MINDY3: variants seen among roughly 807,000 people sequenced by gnomAD.
The protein encoded by MINDY3 is ubiquitin carboxyl-terminal hydrolase MINDY-3.
Under a neutral mutation model 69.2 loss-of-function variants are expected in MINDY3, and 38 were observed. The ratio of observed to expected loss-of-function variants is 0.55; its 90% CI spans 0.42 to 0.72. MINDY3 has a LOEUF of 0.72. MINDY3 is among the 30% of genes least tolerant of loss of function. MINDY3 has a pLI of 0.00. For synonymous variants in MINDY3, 192 were observed against 180.1 expected (o/e 1.07, Z -0.53); for missense variants, 522 against 519.0 (o/e 1.01, Z -0.06).
At chr10:15,797,835 C>G (rs1197696252) in intron 10 of MINDY3, among the ~76,000 whole-genome samples, 1 of 152,096 alleles carries the variant, frequency 6.6e-6, no homozygotes, top group Non-Finnish European at 1.5e-5. Flanking sequence ...TTCCCTTTAT[C>G]ACTCCCAAAC....
At chr10:15,826,993 G>A (rs535097903) in intron 8 of MINDY3, among the ~76,000 whole-genome samples, 43 of 151,860 alleles carry the variant, frequency 2.8e-4, no homozygotes, top group African/African-American at 9.4e-4. Context: ...GATGGTGCAC[G>A]TCTGTAGTCT....
intron 1 of MINDY3, 67 bp from the exon 2 acceptor site, chr10:15,848,010 T>C (rs922961305): frequency 5.4e-6 from 7 of 1,301,962 alleles, no homozygotes; most frequent in East Asian, 2.3e-5. Context: ...GAATCTTTCA[T>C]GTACTTTGCT....
chr10:15,830,565 G>A (rs1840387344), intron 8 of MINDY3, among the ~76,000 whole-genome samples: 1 of 152,190 alleles, frequency 6.6e-6, no homozygotes, highest in Non-Finnish European at 1.5e-5. Flanking sequence ...AGATGGCATG[G>A]GAGTTCATCT....
At chr10:15,834,674 T>C in intron 6 of MINDY3, 58 bp from the exon 7 acceptor site, 3 of 1,180,704 alleles carry the variant, frequency 2.5e-6, no homozygotes, top group Non-Finnish European at 3.8e-6. Context: ...ATTATGACTG[T>C]TTAAAAACTG....
chr10:15,807,044 G>A (rs1294425373), intron 10 of MINDY3, among the ~76,000 whole-genome samples: 1 of 152,134 alleles, frequency 6.6e-6, no homozygotes, highest in Non-Finnish European at 1.5e-5. Context: ...CTTTGGAGAT[G>A]TCATTTTTCT....
At chr10:15,810,626 T>A (rs1838932617) in intron 10 of MINDY3, among the ~76,000 whole-genome samples, 2 of 151,952 alleles carry the variant, frequency 1.3e-5, no homozygotes, top group African/African-American at 4.8e-5. Flanking sequence ...TTAAGATGGA[T>A]CTACAGTGTG....
At chr10:15,797,678 T>C (rs1009213183) in intron 10 of MINDY3, among the ~76,000 whole-genome samples, 2 of 152,148 alleles carry the variant, frequency 1.3e-5, no homozygotes, top group African/African-American at 4.8e-5. Flanking sequence ...CTGAACAGTA[T>C]TTCTTAAAAC....
chr10:15,788,344 C>CT (rs1170689816), intron 12 of MINDY3, among the ~76,000 whole-genome samples: 1 of 152,084 alleles, frequency 6.6e-6, no homozygotes, highest in Non-Finnish European at 1.5e-5. Context: ...GAGTAGTAAG[C>CT]TTGAGACACA....
chr10:15,845,394 GT>G (rs1419436577), intron 2 of MINDY3, among the ~76,000 whole-genome samples: 45 of 152,290 alleles, frequency 3.0e-4, no homozygotes, highest in African/African-American at 1.1e-3. Flanking sequence ...CTCTAAAAAA[GT>G]TTTAATATAT....
At chr10:15,787,945 A>G (rs1460341654) in intron 12 of MINDY3, among the ~76,000 whole-genome samples, 1 of 152,182 alleles carries the variant, frequency 6.6e-6, no homozygotes, top group African/African-American at 2.4e-5. Context: ...CTTCAGTCCA[A>G]TCTTTCAACT....
chr10:15,798,720 C>T (rs1397066793), intron 10 of MINDY3, among the ~76,000 whole-genome samples: 1 of 152,066 alleles, frequency 6.6e-6, no homozygotes, highest in Non-Finnish European at 1.5e-5. Context: ...GCGGAGGTTG[C>T]AGTGAACCAA....
At chr10:15,802,851 A>T (rs17395983) in intron 10 of MINDY3, among the ~76,000 whole-genome samples, 1 of 151,984 alleles carries the variant, frequency 6.6e-6, no homozygotes, top group Non-Finnish European at 1.5e-5. Context: ...GGTCTCAGTC[A>T]TATACTACTA....
At chr10:15,800,225 A>AT (rs11455843) in intron 10 of MINDY3, among the ~76,000 whole-genome samples, 2,294 of 152,068 alleles carry the variant, frequency 0.015, 48 homozygotes, top group African/African-American at 0.05. Context: ...ATACTAGTCT[A>AT]TTTTTTCTAC....
chr10:15,793,726 T>C (rs1159434894), intron 11 of MINDY3, among the ~76,000 whole-genome samples: 1 of 152,084 alleles, frequency 6.6e-6, no homozygotes, highest in Non-Finnish European at 1.5e-5. Context: ...CAAAAGGTTG[T>C]TCTCCAAAGA....
chr10:15,805,031 T>A lies in MINDY3; in HGVS notation c.883-8859A>T, dbSNP rs144761297. Among the ~76,000 whole-genome samples, 501 of 152,246 alleles carry A rather than the reference T, an allele frequency of 3.3e-3. 3 individuals carry two copies. The highest frequency in any genetic ancestry group is 0.011 in the African/African-American group (477 of 41,562). ...TTCCTCTAGAAACACAGACTCTAAA[T>A]GCACAAGTGGAAATAACGCAGTGGG... On this transcript the variant is annotated intron_variant, in intron 10 of 14. Transcript: ENST00000277632.
chr10:15,851,410 T>C (rs1834288949), intron 1 of MINDY3, among the ~76,000 whole-genome samples: 1 of 151,964 alleles, frequency 6.6e-6, no homozygotes, highest in African/African-American at 2.4e-5. Flanking sequence ...CCTTTGCCAT[T>C]CTCCCTTTTA....
At chr10:15,850,521 G>C (rs1232896769) in intron 1 of MINDY3, among the ~76,000 whole-genome samples, 2 of 152,170 alleles carry the variant, frequency 1.3e-5, no homozygotes, top group Admixed American at 1.3e-4. Flanking sequence ...CGCTCGGGGA[G>C]TGTCTTATAC....
rs1424768294 is a variant in MINDY3 at position 15,837,312 on chromosome 10, T to A, written c.468A>T (p.Arg156Ser). The change falls in exon 6 of 15, where the codon AGA (arginine) becomes AGT (serine). Residue 156 changes from arginine to serine, a missense_variant. Arg to Ser is a moderately radical substitution (Grantham distance 110). Transcript: ENST00000277632. ...TTAATTCTGGTAAACTTCTGAACGA[T>A]CTTTTTCTGGGGGAAAAAAAGAATT... ...FERFHALIQKRSFRSLPELKD... is the reference protein window; with the variant it reads ...FERFHALIQKSSFRSLPELKD... 3.8e-6 allele frequency: 6 copies of A among 1,590,214 alleles called. No homozygotes were observed. Among genetic ancestry groups the A allele is most frequent in the Non-Finnish European group, 5.1e-6 (6 of 1,167,756 alleles).
intron 3 of MINDY3, among the ~76,000 whole-genome samples, chr10:15,842,014 G>A (rs1036163866): frequency 6.6e-6 from 1 of 151,712 alleles, no homozygotes; most frequent in Non-Finnish European, 1.5e-5. Flanking sequence ...TTAATCTAAC[G>A]TCTATGATCA....
Sources: gnomAD v4.1 joint callset for allele counts (sites outside exome capture counted in the v4.1 genomes callset) on GRCh38, gnomAD v4.1.1 for gene constraint, MANE v1.5 for transcripts, NCBI Gene and HGNC (gene_info 2026-07-23, HGNC 2026-07-21) for gene names.